The following ADAMTS20 variants were observed in gnomAD, a reference collection of about 807,000 sequenced individuals.
The protein encoded by ADAMTS20 is A disintegrin and metalloproteinase with thrombospondin motifs 20.
A neutral mutation model predicts 260.1 loss-of-function variants in ADAMTS20; 225 were observed. The ratio of observed to expected loss-of-function variants is 0.87; its 90% CI spans 0.78 to 0.97. The LOEUF (loss-of-function observed/expected upper bound fraction) is 0.97. ADAMTS20 is among the 50% of genes least tolerant of loss of function. ADAMTS20 has a pLI of 0.00. For synonymous variants in ADAMTS20, 802 were observed against 769.5 expected, an observed-to-expected ratio of 1.04 and a Z score of -0.70; for missense variants, 2,400 against 2,337.7, an observed-to-expected ratio of 1.03 and a Z score of -0.55.
chr12:43,463,601 C>A (rs562418074), intron 10 of ADAMTS20, among the ~76,000 whole-genome samples: 1 of 152,150 alleles, frequency 6.6e-6, no homozygotes, highest in Admixed American at 6.5e-5. Flanking sequence ...AGAAATGTAT[C>A]TTTTACAATG....
chr12:43,458,179 C>T (rs185060203), intron 11 of ADAMTS20, among the ~76,000 whole-genome samples: 1 of 152,142 alleles, frequency 6.6e-6, no homozygotes, highest in African/African-American at 2.4e-5. Flanking sequence ...CCCTCCCCAC[C>T]CCCCAATGGG....
chr12:43,434,173 G>A, intron 19 of ADAMTS20, 72 bp downstream of exon 19: 1 of 1,441,824 alleles, frequency 6.9e-7, no homozygotes, highest in Non-Finnish European at 9.4e-7. Context: ...TGCTGTGTCA[G>A]TCACTGTGTT....
intron 29 of ADAMTS20, among the ~76,000 whole-genome samples, chr12:43,395,257 G>A (rs1339755929): frequency 6.6e-6 from 1 of 152,104 alleles, no homozygotes; most frequent in African/African-American, 2.4e-5. Context: ...TGAATACCCT[G>A]ACATTTCAAA....
At chr12:43,506,629 G>A (rs528310537) in intron 3 of ADAMTS20, among the ~76,000 whole-genome samples, 20 of 152,048 alleles carry the variant, frequency 1.3e-4, no homozygotes, top group African/African-American at 4.3e-4. Flanking sequence ...ACAGGCGTGC[G>A]CCACCATGCC....
intron 14 of ADAMTS20, among the ~76,000 whole-genome samples, chr12:43,451,171 C>A (rs1040578230): frequency 2.6e-5 from 4 of 152,206 alleles, no homozygotes; most frequent in Non-Finnish European, 4.4e-5. Flanking sequence ...ATGAAATAAG[C>A]CAGACACCAA....
intron 28 of ADAMTS20, among the ~76,000 whole-genome samples, chr12:43,399,577 T>C (rs913954705): frequency 2.6e-5 from 4 of 152,182 alleles, no homozygotes. Flanking sequence ...CCAATAAAAC[T>C]TGTATTCAAT....
chr12:43,408,236 A>G (rs543475530), intron 28 of ADAMTS20, among the ~76,000 whole-genome samples: 3 of 152,154 alleles, frequency 2.0e-5, no homozygotes, highest in Admixed American at 2.0e-4. Context: ...CTCCCATCTT[A>G]CCCCTGAGAG....
intron 15 of ADAMTS20, among the ~76,000 whole-genome samples, chr12:43,446,090 A>C (rs1941755134): frequency 6.6e-6 from 1 of 151,962 alleles, no homozygotes; most frequent in Non-Finnish European, 1.5e-5. Context: ...TTTAATTCAG[A>C]AAATATATAA....
At chr12:43,502,503 T>A in intron 3 of ADAMTS20, 98 bp from the exon 4 acceptor site, 2 of 1,072,192 alleles carry the variant, frequency 1.9e-6, no homozygotes, top group South Asian at 1.6e-5. Flanking sequence ...AATACTTACA[T>A]ATCTGTTCCC....
chr12:43,533,424 G>A (rs865930441), intron 2 of ADAMTS20, among the ~76,000 whole-genome samples: 35,825 of 130,186 alleles, frequency 0.28, 5,128 homozygotes, highest in Non-Finnish European at 0.37. Flanking sequence ...TACAAGGGAT[G>A]TGAAGGACCT....
intron 29 of ADAMTS20, among the ~76,000 whole-genome samples, chr12:43,386,256 C>A (rs905460074): frequency 5.9e-5 from 9 of 152,068 alleles, no homozygotes; most frequent in African/African-American, 1.9e-4. Context: ...CTTAGTTTGG[C>A]TGGATATGAA....
chr12:43,375,303 CA>C, intron 36 of ADAMTS20, 75 bp downstream of exon 36: 1 of 1,457,994 alleles, frequency 6.9e-7, no homozygotes, highest in Middle Eastern at 2.0e-4. Context: ...CTGGCTACAA[CA>C]TATACCAACA....
At chr12:43,463,522 C>T (rs1301242338) in intron 10 of ADAMTS20, among the ~76,000 whole-genome samples, 1 of 152,050 alleles carries the variant, frequency 6.6e-6, no homozygotes, top group African/African-American at 2.4e-5. Flanking sequence ...ACGAGCTATA[C>T]CCAATATAAT....
chr12:43,428,591 T>C (rs922956767), intron 25 of ADAMTS20, 44 bp downstream of exon 25: 1 of 1,470,144 alleles, frequency 6.8e-7, no homozygotes, highest in Non-Finnish European at 9.0e-7. Context: ...ATATCAAATA[T>C]ATTTAAATTT....
Position 43,375,458 on chromosome 12 carries a change from T to C in ADAMTS20, c.5367A>G (p.Glu1789=), listed in dbSNP as rs767231858. ...PFNGSRREDC[E]CDNGHLAAGY... is the part of the protein sequence containing the mutation. ...CAGCAGCTAAGTGTCCATTGTCACATTCACAGTCTTCCCTTCTACTCCCAT... is the reference window on the plus strand; with the variant it reads ...CAGCAGCTAAGTGTCCATTGTCACACTCACAGTCTTCCCTTCTACTCCCAT... The change falls in exon 36 of 39, where the codon GAA becomes GAG. Residue 1789 remains glutamate (E), a synonymous_variant. Transcript: ENST00000389420. 5.0e-6 allele frequency: 8 copies of C among 1,613,392 alleles called. No individual in the cohort carries two copies. Among genetic ancestry groups the C allele is most frequent in the Non-Finnish European group, 6.8e-6 (8 of 1,179,388 alleles).
chr12:43,541,881 A>G (rs1162433346), intron 2 of ADAMTS20, among the ~76,000 whole-genome samples: 1 of 152,220 alleles, frequency 6.6e-6, no homozygotes, highest in Non-Finnish European at 1.5e-5. Flanking sequence ...AAACAATAAA[A>G]GGGAAATAAA....
chr12:43,430,426 A>T lies in ADAMTS20; in HGVS notation c.3307T>A (p.Cys1103Ser), dbSNP rs1218944591. 6.2e-7 allele frequency: 1 copy of T among 1,613,298 alleles called. No individual in the cohort carries two copies. ...ACTGCACTAGCTAGCTCATTGACAC[A>T]TTTAACATCTCGCATCTGATACCCA... Reference protein sequence around the residue: ...GHGYQMRDVKCVNELASAVLE... With the variant: ...GHGYQMRDVKSVNELASAVLE... Residue 1103 changes from cysteine to serine, a missense_variant, in exon 23 of 39, where the codon TGT (cysteine) becomes AGT (serine). By Grantham distance (112) the Cys-to-Ser change is moderately radical (BLOSUM62 -1). Coordinates refer to ENST00000389420, the MANE Select transcript of ADAMTS20 (RefSeq NM_025003.5).
intron 3 of ADAMTS20, among the ~76,000 whole-genome samples, chr12:43,522,008 T>A (rs1215391061): frequency 6.6e-6 from 1 of 152,136 alleles, no homozygotes; most frequent in Non-Finnish European, 1.5e-5. Flanking sequence ...ACAGAGAAAT[T>A]TAAAGCTGGC....
intron 3 of ADAMTS20, among the ~76,000 whole-genome samples, chr12:43,513,642 C>T (rs1942955388): frequency 6.6e-6 from 1 of 151,978 alleles, no homozygotes; most frequent in East Asian, 1.9e-4. Context: ...TTCACAGTAG[C>T]AAAGACTTGG....
Sources: gnomAD v4.1 joint callset for allele counts (sites outside exome capture counted in the v4.1 genomes callset) on GRCh38, gnomAD v4.1.1 for gene constraint, MANE v1.5 for transcripts, NCBI Gene and HGNC (gene_info 2026-07-23, HGNC 2026-07-21) for gene names.